The following CBFB variants were observed in gnomAD, a reference collection of about 807,000 sequenced individuals.
CBFB encodes the protein CBF-beta.
In CBFB, 9 loss-of-function variants were observed where a neutral mutation model predicts 30.4. The observed-to-expected ratio is 0.30, with a 90% confidence interval of 0.18 to 0.52. The LOEUF (loss-of-function observed/expected upper bound fraction) is 0.52, where lower values mean the gene tolerates loss of function less well. Among genes scored for constraint, CBFB ranks in the 20% least tolerant of loss-of-function variants. CBFB has a pLI of 0.97. For synonymous variants in CBFB, 94 were observed against 84.0 expected (o/e 1.12, Z -0.65); for missense variants, 170 against 244.0 (o/e 0.70, Z 2.02).
chr16:67,037,934 G>A (rs1966469065), intron 3 of CBFB, among the ~76,000 whole-genome samples: 2 of 152,000 alleles, frequency 1.3e-5, no homozygotes, highest in South Asian at 4.1e-4. Flanking sequence ...CTCCCAAAGT[G>A]GTGGGATTAT....
chr16:67,045,524 A>T (rs1005924957), intron 3 of CBFB, among the ~76,000 whole-genome samples: 1 of 152,120 alleles, frequency 6.6e-6, no homozygotes, highest in Admixed American at 6.6e-5. Flanking sequence ...CTGAAAAAAA[A>T]AAAATTAAAA....
chr16:67,058,839 G>T (rs1045063198), intron 3 of CBFB, among the ~76,000 whole-genome samples: 5 of 152,164 alleles, frequency 3.3e-5, no homozygotes, highest in Non-Finnish European at 5.9e-5. Context: ...TTATTACAGA[G>T]AATCGAGATA....
intron 5 of CBFB, among the ~76,000 whole-genome samples, chr16:67,090,599 T>C (rs1961854535): frequency 6.6e-6 from 1 of 152,224 alleles, no homozygotes; most frequent in African/African-American, 2.4e-5. Flanking sequence ...GCCTTCAACT[T>C]GATTGGCCTT....
At chr16:67,097,914 G>A (rs180874441) in intron 5 of CBFB, among the ~76,000 whole-genome samples, 26 of 152,152 alleles carry the variant, frequency 1.7e-4, no homozygotes, top group Middle Eastern at 3.4e-3. Flanking sequence ...AGTCCAGCCC[G>A]GGCAACATAG....
At position 67,099,995 on chromosome 16, in the gene CBFB, C is replaced by G. The variant is rs1397199322; in HGVS notation, c.*1217C>G. The G allele has an allele frequency of 1.9e-5, 4 of 208,670 alleles. No individual in the cohort carries two copies. Among genetic ancestry groups the G allele is most frequent in the Non-Finnish European group, 2.9e-5 (3 of 102,424 alleles). The allele number at this position is 208,670 out of a possible 1,614,324, so 12.9% of individuals were successfully genotyped here. On this transcript the variant is annotated 3_prime_UTR_variant, in exon 6 of 6. Coordinates refer to ENST00000412916, the MANE Select transcript of CBFB (RefSeq NM_022845.3). ...ATATATATGGTATTTTGCAAAAGGA[C>G]TATTAATAGAACCTTTTGAGATGAA...
intron 4 of CBFB, among the ~76,000 whole-genome samples, chr16:67,069,704 A>T (rs1397104048): frequency 1.3e-5 from 2 of 152,262 alleles, no homozygotes; most frequent in African/African-American, 4.8e-5. Context: ...GAGACAAGGA[A>T]TCATGAAAGC....
rs935423863 is a variant in CBFB at position 67,099,700 on chromosome 16, A to G, written c.*922A>G. 2.9e-5 allele frequency: 6 copies of G among 205,094 alleles called. No homozygotes were observed. Among genetic ancestry groups the G allele is most frequent in the Non-Finnish European group, 5.0e-5 (5 of 99,992 alleles). The allele number at this position is 205,094 out of a possible 1,614,324, so 12.7% of individuals were successfully genotyped here. ...TCACAGGCTGGCTTCTGTTTTATTC[A>G]GGGATTTTTTTAAAAAGTCAATCAG... is the stretch of plus-strand genomic sequence containing the variant. On this transcript the variant is annotated 3_prime_UTR_variant, in exon 6 of 6. Coordinates refer to ENST00000412916, the MANE Select transcript of CBFB (RefSeq NM_022845.3).
At chr16:67,079,195 ATG>A (rs1442709499) in intron 4 of CBFB, among the ~76,000 whole-genome samples, 33 of 152,314 alleles carry the variant, frequency 2.2e-4, no homozygotes, top group African/African-American at 7.9e-4. Flanking sequence ...AGCACTTTTT[ATG>A]TGTTATTTAA....
At chr16:67,056,433 A>C (rs1469310656) in intron 3 of CBFB, among the ~76,000 whole-genome samples, 1 of 152,178 alleles carries the variant, frequency 6.6e-6, no homozygotes, top group East Asian at 1.9e-4. Context: ...CTACGTCTGC[A>C]TTTCCCCTAG....
At chr16:67,055,460 G>A (rs945981862) in intron 3 of CBFB, among the ~76,000 whole-genome samples, 5 of 146,118 alleles carry the variant, frequency 3.4e-5, no homozygotes, top group African/African-American at 1.3e-4. Flanking sequence ...CCGCCTCCCG[G>A]GTTCACGCCA....
chr16:67,061,257 T>G (rs1960903130), intron 3 of CBFB, among the ~76,000 whole-genome samples: 1 of 152,242 alleles, frequency 6.6e-6, no homozygotes, highest in African/African-American at 2.4e-5. Context: ...AACATATTTG[T>G]GATATTTTAC....
At chr16:67,090,367 A>G (rs987583989) in intron 5 of CBFB, among the ~76,000 whole-genome samples, 1 of 152,228 alleles carries the variant, frequency 6.6e-6, no homozygotes, top group African/African-American at 2.4e-5. Flanking sequence ...CTGTTGCTAT[A>G]TAGAAGCATC....
intron 3 of CBFB, 140 bp downstream of exon 3, chr16:67,036,895 A>G (rs776454792): frequency 1.7e-6 from 1 of 594,216 alleles, no homozygotes; most frequent in Non-Finnish European, 3.0e-6. Context: ...TGTTATAAGG[A>G]TGTAATATAA....
chr16:67,062,605 A>G (rs1960943328), intron 3 of CBFB, among the ~76,000 whole-genome samples: 2 of 151,700 alleles, frequency 1.3e-5, no homozygotes, highest in Admixed American at 1.3e-4. Flanking sequence ...CAGCCCGGCC[A>G]ACATGGTGAA....
In CBFB at chr16:67,038,321, C is replaced by T. The variant is rs115523225; in HGVS notation, c.282+1566C>T. Among the ~76,000 whole-genome samples, 770 of 147,434 alleles carry T rather than the reference C, an allele frequency of 5.2e-3. 3 individuals carry two copies. Among genetic ancestry groups the T allele is most frequent in the Middle Eastern group, 0.011 (3 of 284 alleles). Reference sequence around the variant, plus strand: ...ATACACGTATATATGTGTATATATACGTATATGTGTGTGTATATATGTATA... The same window carrying T: ...ATACACGTATATATGTGTATATATATGTATATGTGTGTGTATATATGTATA... On this transcript the variant is annotated intron_variant, in intron 3 of 5. Transcript: ENST00000412916.
At chr16:67,032,827 C>A (rs1048768835) in intron 2 of CBFB, among the ~76,000 whole-genome samples, 1 of 152,222 alleles carries the variant, frequency 6.6e-6, no homozygotes, top group Admixed American at 6.5e-5. Flanking sequence ...CTATTCCCAA[C>A]CTTTCTCCTG....
intron 3 of CBFB, among the ~76,000 whole-genome samples, chr16:67,037,518 T>G (rs1013708390): frequency 8.6e-5 from 13 of 151,310 alleles, no homozygotes; most frequent in Non-Finnish European, 1.8e-4. Flanking sequence ...TTGGAAATAC[T>G]TTTTTTTTGT....
At chr16:67,096,146 C>T (rs1465115593) in intron 5 of CBFB, among the ~76,000 whole-genome samples, 1 of 151,798 alleles carries the variant, frequency 6.6e-6, no homozygotes, top group African/African-American at 2.4e-5. Context: ...CCCATCACTA[C>T]TAAAAATATT....
chr16:67,030,496 GAAAA>G (rs892948222), intron 2 of CBFB, among the ~76,000 whole-genome samples: 3 of 149,086 alleles, frequency 2.0e-5, no homozygotes, highest in African/African-American at 7.4e-5. Context: ...ACCTTGGGTT[GAAAA>G]AAAAAATCCA....
Sources: allele counts gnomAD v4.1 joint callset (sites outside exome capture counted in the v4.1 genomes callset), GRCh38; gene constraint gnomAD v4.1.1; transcripts MANE v1.5; gene names NCBI Gene and HGNC (gene_info 2026-07-23, HGNC 2026-07-21).